The following KCNMA1 variants were observed in gnomAD, a reference collection of about 807,000 sequenced individuals.
KCNMA1 encodes potassium calcium-activated channel subfamily M alpha 1, also known as Calcium-activated potassium channel subunit alpha-1.
Under a neutral mutation model 140.0 loss-of-function variants are expected in KCNMA1, and 29 were observed. That is an observed-to-expected ratio of 0.21 (90% CI 0.15 to 0.28). The LOEUF (loss-of-function observed/expected upper bound fraction) is 0.28. Ranked by LOEUF, KCNMA1 falls within the 10% of genes least tolerant of loss-of-function variation. The pLI, the probability that KCNMA1 is intolerant of heterozygous loss-of-function variation, is 1.00. For synonymous variants in KCNMA1, 612 were observed against 611.9 expected, an observed-to-expected ratio of 1.00 and a Z score of 0.00; for missense variants, 880 against 1,602.2, an observed-to-expected ratio of 0.55 and a Z score of 7.70.
intron 1 of KCNMA1, among the ~76,000 whole-genome samples, chr10:77,527,687 A>T (rs530682255): frequency 7.2e-5 from 11 of 152,302 alleles, no homozygotes; most frequent in Admixed American, 2.6e-4. Flanking sequence ...TCCATTTATT[A>T]AAAGAGAAAG....
intron 10 of KCNMA1, among the ~76,000 whole-genome samples, chr10:77,089,484 C>T (rs1022254396): frequency 7.2e-5 from 11 of 152,120 alleles, no homozygotes; most frequent in African/African-American, 2.7e-4. Flanking sequence ...GGCAGACTAC[C>T]TTTTATCTAA....
intron 1 of KCNMA1, among the ~76,000 whole-genome samples, chr10:77,573,647 A>G (rs10762761): frequency 0.024 from 1,145 of 47,110 alleles, 5 homozygotes; most frequent in African/African-American, 0.071. Flanking sequence ...GGAATGGAAT[A>G]GAATAGAATA....
intron 19 of KCNMA1, among the ~76,000 whole-genome samples, chr10:76,993,547 A>G (rs911725936): frequency 6.6e-6 from 1 of 152,174 alleles, no homozygotes; most frequent in Non-Finnish European, 1.5e-5. Context: ...CCTGCAGACT[A>G]TAGATCAAGT....
At chr10:77,302,490 C>T (rs945468550) in intron 2 of KCNMA1, among the ~76,000 whole-genome samples, 1 of 151,892 alleles carries the variant, frequency 6.6e-6, no homozygotes, top group African/African-American at 2.4e-5. Context: ...TACTCCGGTG[C>T]AGATCTCACA....
At chr10:77,302,483 T>G (rs536837734) in intron 2 of KCNMA1, among the ~76,000 whole-genome samples, 3 of 152,272 alleles carry the variant, frequency 2.0e-5, no homozygotes, top group African/African-American at 7.2e-5. Context: ...CCCTGACTAC[T>G]CCGGTGCAGA....
intron 1 of KCNMA1, among the ~76,000 whole-genome samples, chr10:77,614,134 G>GA (rs1326443810): frequency 6.6e-6 from 1 of 152,178 alleles, no homozygotes; most frequent in Non-Finnish European, 1.5e-5. Context: ...TCAGCTTCCA[G>GA]AAAAAATTAA....
intron 12 of KCNMA1, among the ~76,000 whole-genome samples, chr10:77,084,172 A>G (rs1306299153): frequency 6.6e-6 from 1 of 152,116 alleles, no homozygotes; most frequent in Non-Finnish European, 1.5e-5. Flanking sequence ...GGTCGTTCGC[A>G]GTGTCCCTGG....
In KCNMA1 at chr10:77,033,237, G is replaced by A. The variant is rs61868793; in HGVS notation, c.1860-5346C>T. On this transcript the variant is annotated intron_variant, in intron 15 of 27. Transcript: ENST00000286628. ...GGAGCTTTAATTTAAAATGACAGCCGCTAGAAATCGAAATATCCAGGTAAA... is the reference window on the plus strand; with the variant it reads ...GGAGCTTTAATTTAAAATGACAGCCACTAGAAATCGAAATATCCAGGTAAA... 1.1e-4 allele frequency among the ~76,000 whole-genome samples: 17 copies of A among 152,188 alleles called. 1 individual carries two copies. Among genetic ancestry groups the A allele is most frequent in the Admixed American group, 3.9e-4 (6 of 15,278 alleles).
At chr10:77,375,674 A>C (rs1360251602) in intron 2 of KCNMA1, among the ~76,000 whole-genome samples, 1 of 152,234 alleles carries the variant, frequency 6.6e-6, no homozygotes, top group East Asian at 1.9e-4. Context: ...TTCAAGAAGG[A>C]CTTGCTGCTC....
chr10:76,875,947 T>G (rs1345576540), downstream of KCNMA1: 2 of 152,644 alleles, frequency 1.3e-5, no homozygotes, highest in Non-Finnish European at 2.9e-5. Context: ...TACATTGTAT[T>G]CACAATACTT....
chr10:76,900,207 T>G (rs1434258507), intron 25 of KCNMA1, among the ~76,000 whole-genome samples: 7 of 151,654 alleles, frequency 4.6e-5, no homozygotes, highest in African/African-American at 7.3e-5. Flanking sequence ...TATTACTTTT[T>G]GAATTATTTT....
chr10:77,408,391 T>A (rs1241424243), intron 1 of KCNMA1, among the ~76,000 whole-genome samples: 3 of 143,766 alleles, frequency 2.1e-5, no homozygotes, highest in Non-Finnish European at 3.0e-5. Context: ...TGCTCACACA[T>A]GTGTGTGTGC....
chr10:76,948,721 T>G (rs1426350367), intron 22 of KCNMA1, among the ~76,000 whole-genome samples: 14 of 152,198 alleles, frequency 9.2e-5, no homozygotes, highest in Admixed American at 9.2e-4. Flanking sequence ...TTGCATTTAT[T>G]TAGTTAAAAA....
chr10:77,612,865 T>A lies in KCNMA1; in HGVS notation c.378+24400A>T, dbSNP rs117680374. Among the ~76,000 whole-genome samples, 652 of 152,312 alleles carry A rather than the reference T, an allele frequency of 4.3e-3. 2 individuals are homozygous for A. Among genetic ancestry groups the A allele is most frequent in the Non-Finnish European group, 8.1e-3 (549 of 68,010 alleles). ...AATGAACAATCCCCTCTAAGCCATT[T>A]GCTTATGGAAGACAAAGCTGGAGCT... is the stretch of plus-strand genomic sequence containing the variant. On this transcript the variant is annotated intron_variant, in intron 1 of 27. Coordinates refer to ENST00000286628, the MANE Select transcript of KCNMA1 (RefSeq NM_001161352.2).
chr10:77,133,525 G>A (rs2097909171), intron 5 of KCNMA1, among the ~76,000 whole-genome samples: 1 of 151,200 alleles, frequency 6.6e-6, no homozygotes, highest in Non-Finnish European at 1.5e-5. Flanking sequence ...ACTGCAAAAA[G>A]TTATATAAAA....
intron 5 of KCNMA1, among the ~76,000 whole-genome samples, chr10:77,123,113 G>A (rs1395758912): frequency 6.9e-6 from 1 of 144,222 alleles, no homozygotes. Context: ...CCGGGAGGCG[G>A]AGCTTGCAGT....
intron 1 of KCNMA1, among the ~76,000 whole-genome samples, chr10:77,557,004 T>C (rs1359138777): frequency 6.6e-6 from 1 of 152,132 alleles, no homozygotes; most frequent in Non-Finnish European, 1.5e-5. Flanking sequence ...AAGACCTGAT[T>C]GGTTTGAGAC....
chr10:77,383,018 A>T lies in KCNMA1; in HGVS notation c.540+20844T>A, dbSNP rs1603450031. Among the ~76,000 whole-genome samples, 3 of 126,060 alleles carry T rather than the reference A, an allele frequency of 2.4e-5. No individual in the cohort carries two copies. The South Asian group carries it at 7.4e-4, about 31-fold the overall frequency. The allele number at this position is 126,060 out of a possible 152,430, so 82.7% of individuals were successfully genotyped here. A position where few individuals can be genotyped will look rare whatever the true frequency, so the allele number is the denominator to read the frequency against. ...TGTATATATATATATATATATATAT[A>T]TATATATATATTCCAAGTGGAGGAA... On this transcript the variant is annotated intron_variant, in intron 2 of 27. Coordinates refer to ENST00000286628, the MANE Select transcript of KCNMA1 (RefSeq NM_001161352.2).
chr10:77,636,520 G>C (rs1298236526), intron 1 of KCNMA1: 1 of 1,536,066 alleles, frequency 6.5e-7, no homozygotes, highest in South Asian at 1.2e-5. Context: ...GGTGGCCTGG[G>C]GGCAAAGGAA....
Sources: allele counts gnomAD v4.1 joint callset (sites outside exome capture counted in the v4.1 genomes callset), GRCh38; gene constraint gnomAD v4.1.1; transcripts MANE v1.5; gene names NCBI Gene and HGNC (gene_info 2026-07-23, HGNC 2026-07-21).